PCYT1B: variants seen among roughly 807,000 people sequenced by gnomAD.
PCYT1B encodes the protein phosphate cytidylyltransferase 1B, choline.
Under a neutral mutation model 26.4 loss-of-function variants are expected in PCYT1B, and 10 were observed. That is an observed-to-expected ratio of 0.38 (90% CI 0.23 to 0.64). The LOEUF is 0.64. Ranked by LOEUF, PCYT1B falls within the 30% of genes least tolerant of loss-of-function variation. PCYT1B has a pLI of 0.56. For synonymous variants in PCYT1B, 131 were observed against 108.4 expected (o/e 1.21, Z -1.29); for missense variants, 161 against 292.7 (o/e 0.55, Z 3.28).
At position 24,562,320 on chromosome X, in the gene PCYT1B, C is replaced by T; in HGVS notation, c.1083G>A (p.Met361Ile). Reference protein sequence around the residue: ...PKAASASISSMSEGDEDEK With the variant: ...PKAASASISSISEGDEDEK ...ACTTTTCATCCTCATCCCCCTCGCT[C>T]ATGCTGCTGATAGAGGCTGAGGCTG... The change falls in exon 8 of 8, where the codon ATG (methionine) becomes ATA (isoleucine). Residue 361 changes from methionine (M) to isoleucine (I), a missense_variant. By Grantham distance (10) the Met-to-Ile change is conservative. Transcript: ENST00000379144. 2.6e-6 allele frequency: 3 copies of T among 1,163,598 alleles called. No homozygotes were observed. The highest frequency in any genetic ancestry group is 3.0e-5 in the East Asian group (1 of 33,314).
At chrX:24,567,945 T>A (rs761664753) in intron 7 of PCYT1B, among the ~76,000 whole-genome samples, 1 of 111,084 alleles carries the variant, frequency 9.0e-6, no homozygotes, top group African/African-American at 3.3e-5. Context: ...CGAGACTCCA[T>A]CTCAAAAAAA....
chrX:24,582,878 C>T (rs1287584907), intron 5 of PCYT1B, among the ~76,000 whole-genome samples: 3 of 112,054 alleles, frequency 2.7e-5, no homozygotes, highest in African/African-American at 9.7e-5. Flanking sequence ...CTGGCCTTCT[C>T]TACCTGGGTC....
At chrX:24,607,908 T>C in intron 2 of PCYT1B, 47 bp from the exon 3 acceptor site, 1,205 of 546,974 alleles carry the variant, frequency 2.2e-3, no homozygotes, top group Non-Finnish European at 3.4e-3. Flanking sequence ...GAATGAGGAA[T>C]CCCAGTTACC....
intron 7 of PCYT1B, among the ~76,000 whole-genome samples, chrX:24,574,018 C>G (rs1458189229): frequency 9.0e-6 from 1 of 111,306 alleles, no homozygotes. Context: ...AAACATTGTT[C>G]TTTTTCTATT....
intron 1 of PCYT1B, among the ~76,000 whole-genome samples, chrX:24,642,855 T>A (rs968557556): frequency 6.2e-5 from 7 of 112,248 alleles, no homozygotes; most frequent in African/African-American, 2.3e-4. Flanking sequence ...TTTTGAATAC[T>A]AGCAGATGAG....
chrX:24,653,355 A>G (rs908381094), intron 1 of PCYT1B, among the ~76,000 whole-genome samples: 1 of 111,176 alleles, frequency 9.0e-6, no homozygotes, highest in African/African-American at 3.3e-5. Context: ...TGAGGGCTTT[A>G]TCTGGCCATT....
At chrX:24,637,491 A>AAATATATAT in intron 1 of PCYT1B, among the ~76,000 whole-genome samples, 2 of 52,894 alleles carry the variant, frequency 3.8e-5, no homozygotes, top group African/African-American at 1.5e-4. Flanking sequence ...AAAAAAAAAA[A>AAATATATAT]ATATATATAT....
upstream of PCYT1B, among the ~76,000 whole-genome samples, chrX:24,648,403 T>G (rs1004384525): frequency 9.4e-6 from 1 of 105,988 alleles, no homozygotes; most frequent in Admixed American, 1.0e-4. Flanking sequence ...TTTACAGGTA[T>G]TCACATTCAC....
chrX:24,612,447 C>T (rs1388481720), intron 2 of PCYT1B, among the ~76,000 whole-genome samples: 1 of 111,710 alleles, frequency 9.0e-6, no homozygotes, highest in East Asian at 2.8e-4. Flanking sequence ...GATGAACAAC[C>T]CACCACCCAG....
At chrX:24,659,580 A>G (rs991717524) in intron 1 of PCYT1B, among the ~76,000 whole-genome samples, 7 of 112,034 alleles carry the variant, frequency 6.2e-5, no homozygotes, top group African/African-American at 1.9e-4. Flanking sequence ...TTATGCTGCT[A>G]TAACAGACTA....
intron 1 of PCYT1B, among the ~76,000 whole-genome samples, chrX:24,657,672 C>T (rs775977496): frequency 2.7e-5 from 3 of 111,916 alleles, no homozygotes; most frequent in Admixed American, 9.5e-5. Flanking sequence ...CACCAAGCTA[C>T]GCCCAGTATG....
chrX:24,628,335 A>AG (rs1925945297), intron 1 of PCYT1B, among the ~76,000 whole-genome samples: 1 of 111,715 alleles, frequency 9.0e-6, no homozygotes, highest in African/African-American at 3.3e-5. Flanking sequence ...AGTACCTGGC[A>AG]TATAGAAGGT....
At chrX:24,671,581 T>C (rs141169903) in intron 1 of PCYT1B, among the ~76,000 whole-genome samples, 371 of 111,287 alleles carry the variant, frequency 3.3e-3, no homozygotes, top group Non-Finnish European at 5.3e-3. Flanking sequence ...CAGCCACCCA[T>C]ATCCATTCCA....
intron 1 of PCYT1B, among the ~76,000 whole-genome samples, chrX:24,662,487 C>T (rs1179329987): frequency 9.0e-6 from 1 of 111,453 alleles, no homozygotes; most frequent in African/African-American, 3.3e-5. Flanking sequence ...ACCCTGATGA[C>T]CTTGAATGTG....
intron 3 of PCYT1B, among the ~76,000 whole-genome samples, chrX:24,599,692 T>G (rs1369708941): frequency 9.0e-6 from 1 of 111,721 alleles, no homozygotes; most frequent in Non-Finnish European, 1.9e-5. Flanking sequence ...TTGCAAACAT[T>G]AAAACACATC....
At chrX:24,590,726 A>C (rs766153226) in intron 3 of PCYT1B, among the ~76,000 whole-genome samples, 2 of 110,445 alleles carry the variant, frequency 1.8e-5, no homozygotes, top group African/African-American at 3.3e-5. Flanking sequence ...AGGTCACTCA[A>C]TCAAGAGAAG....
intron 3 of PCYT1B, among the ~76,000 whole-genome samples, chrX:24,606,717 A>T (rs777681408): frequency 2.7e-5 from 3 of 110,185 alleles, no homozygotes; most frequent in Non-Finnish European, 5.7e-5. Context: ...TACAAAAAAA[A>T]TTAGCTGGGC....
intron 1 of PCYT1B, among the ~76,000 whole-genome samples, chrX:24,671,711 G>T (rs184075132): frequency 1.6e-4 from 18 of 111,354 alleles, no homozygotes; most frequent in African/African-American, 5.9e-4. Flanking sequence ...CCTCTGCCTC[G>T]TTGTTGGGAA....
chrX:24,585,933 A>G (rs1924358264), intron 5 of PCYT1B, among the ~76,000 whole-genome samples: 1 of 110,979 alleles, frequency 9.0e-6, no homozygotes, highest in African/African-American at 3.3e-5. Context: ...ATGTAACTTC[A>G]TATGGAAGCA....
Sources: allele counts gnomAD v4.1 joint callset (sites outside exome capture counted in the v4.1 genomes callset), GRCh38; gene constraint gnomAD v4.1.1; transcripts MANE v1.5; gene names NCBI Gene and HGNC (gene_info 2026-07-23, HGNC 2026-07-21).